The following TOX2 variants were observed in gnomAD, a reference collection of about 807,000 sequenced individuals.
TOX2 encodes granulosa cell HMG box 1.
TOX2 carries 15 observed loss-of-function variants against 47.4 expected under a neutral mutation model. The ratio of observed to expected loss-of-function variants is 0.32; its 90% CI spans 0.21 to 0.49. The LOEUF (loss-of-function observed/expected upper bound fraction) is 0.49, where lower values mean the gene tolerates loss of function less well. Among genes scored for constraint, TOX2 ranks in the 20% least tolerant of loss-of-function variants. TOX2 has a pLI of 0.99. For synonymous variants in TOX2, 290 were observed against 296.6 expected (o/e 0.98, Z 0.23); for missense variants, 622 against 673.1 (o/e 0.92, Z 0.84).
At chr20:43,917,572 A>G (rs920453577) in intron 1 of TOX2, among the ~76,000 whole-genome samples, 1 of 152,126 alleles carries the variant, frequency 6.6e-6, no homozygotes, top group African/African-American at 2.4e-5. Flanking sequence ...CCCGACACCT[A>G]TGGGGCAGTT....
intron 1 of TOX2, among the ~76,000 whole-genome samples, chr20:43,933,046 T>G: frequency 6.6e-6 from 1 of 152,180 alleles, no homozygotes; most frequent in East Asian, 1.9e-4. Flanking sequence ...AGAATTCTAG[T>G]GACCAAGTAA....
intron 3 of TOX2, among the ~76,000 whole-genome samples, chr20:44,015,323 A>G (rs1244043834): frequency 3.9e-5 from 6 of 152,218 alleles, no homozygotes; most frequent in African/African-American, 1.4e-4. Context: ...CTCTCCTGCT[A>G]TAATTATTTA....
chr20:43,960,960 G>A (rs2069748602), intron 1 of TOX2, among the ~76,000 whole-genome samples: 1 of 152,258 alleles, frequency 6.6e-6, no homozygotes, highest in South Asian at 2.1e-4. Flanking sequence ...TAGAAAGGGG[G>A]AGGCCTTTTT....
At chr20:44,062,077 G>A (rs2071727164) in intron 5 of TOX2, among the ~76,000 whole-genome samples, 1 of 151,596 alleles carries the variant, frequency 6.6e-6, no homozygotes, top group African/African-American at 2.4e-5. Flanking sequence ...AGACAAGGAT[G>A]CCCATTTATT....
At position 43,916,320 on chromosome 20, in the gene TOX2, G is replaced by A; in HGVS notation, c.99+1330G>A. 1 of 856,684 alleles carries A rather than the reference G, an allele frequency of 1.2e-6. No individual in the cohort carries two copies. Among genetic ancestry groups the A allele is most frequent in the Non-Finnish European group, 1.4e-6 (1 of 712,430 alleles). The allele number at this position is 856,684 out of a possible 1,614,324, so 53.1% of individuals were successfully genotyped here. A position where few individuals can be genotyped will look rare whatever the true frequency, so the allele number is the denominator to read the frequency against. ...GATGAGGCAGGAGAGAGGCGTCCCG[G>A]CGCGGATCCCGGGGCCTCCCGGGCT... On this transcript the variant is annotated intron_variant, in intron 1 of 8. Transcript: ENST00000341197. This position sits in a 1 kb window ranked among gnomAD's most constrained non-coding sequence, Gnocchi z 5.0.
Position 44,065,640 on chromosome 20 carries a change from C to T in TOX2, c.961-72C>T, listed in dbSNP as rs2071799994. ...GCCGTGTCAGTGGGTTGCAGAGCCTCCTGGCCTCACAGCCCATGTTCTGGC... is the reference window on the plus strand; with the variant it reads ...GCCGTGTCAGTGGGTTGCAGAGCCTTCTGGCCTCACAGCCCATGTTCTGGC... On this transcript the variant is annotated intron_variant, in intron 6 of 8. Transcript: ENST00000341197. The T allele has an allele frequency of 2.0e-6, 3 of 1,511,804 alleles. No homozygotes were observed. The East Asian group carries it at 6.9e-5, about 35-fold the overall frequency. The allele number at this position is 1,511,804 out of a possible 1,614,324, so 93.6% of individuals were successfully genotyped here. A position where few individuals can be genotyped will look rare whatever the true frequency, so the allele number is the denominator to read the frequency against.
Position 43,961,835 on chromosome 20 carries a change from C to T in TOX2, c.100-11532C>T, listed in dbSNP as rs2069763427. On this transcript the variant is annotated intron_variant, in intron 1 of 8. Coordinates refer to ENST00000341197, the MANE Select transcript of TOX2 (RefSeq NM_001098797.2). ...ATTGGCATCCCCCACAGCAGAAGCC[C>T]AGAGAAAGGCCTCAAAGTCGCGAGC... is the stretch of plus-strand genomic sequence containing the variant. Among the ~76,000 whole-genome samples, 4 of 152,070 alleles carry T rather than the reference C, an allele frequency of 2.6e-5. No homozygotes were observed. In the South Asian group the frequency reaches 8.3e-4, roughly 32 times the overall value.
intron 2 of TOX2, among the ~76,000 whole-genome samples, chr20:43,995,201 A>G (rs930411809): frequency 1.3e-5 from 2 of 152,170 alleles, no homozygotes; most frequent in African/African-American, 2.4e-5. Flanking sequence ...AAGTGCTACA[A>G]TACTCCAGAT....
chr20:44,012,929 T>C (rs576882401), intron 3 of TOX2, among the ~76,000 whole-genome samples: 1 of 152,346 alleles, frequency 6.6e-6, no homozygotes, highest in African/African-American at 2.4e-5. Flanking sequence ...CACACAGGGC[T>C]AGGGGCTGTG....
At chr20:44,044,742 G>T (rs1036574015) in intron 3 of TOX2, among the ~76,000 whole-genome samples, 1 of 152,090 alleles carries the variant, frequency 6.6e-6, no homozygotes, top group Non-Finnish European at 1.5e-5. Flanking sequence ...TTAAAAAACA[G>T]AATTACTATA....
chr20:44,038,972 G>A, intron 3 of TOX2: 1 of 1,185,864 alleles, frequency 8.4e-7, no homozygotes, highest in Non-Finnish European at 1.1e-6. Context: ...TCCTGGGGCG[G>A]GTGCAGATGT....
chr20:43,932,145 G>A lies in TOX2; in HGVS notation c.99+17155G>A, dbSNP rs141915228. Among the ~76,000 whole-genome samples the A allele has an allele frequency of 1.2e-3, 187 of 152,254 alleles. 2 individuals are homozygous for A. Among genetic ancestry groups the A allele is most frequent in the African/African-American group, 4.4e-3 (184 of 41,552 alleles). ...AAATTTCTGGGTCAAAAAAGAGTGA[G>A]CATTTTTATGGCTCCTGATTTCTGC... is the stretch of plus-strand genomic sequence containing the variant. On this transcript the variant is annotated intron_variant, in intron 1 of 8. Coordinates refer to ENST00000341197, the MANE Select transcript of TOX2 (RefSeq NM_001098797.2).
chr20:43,985,651 A>G (rs908327179), intron 2 of TOX2, among the ~76,000 whole-genome samples: 1 of 152,202 alleles, frequency 6.6e-6, no homozygotes, highest in African/African-American at 2.4e-5. Context: ...TCCCCATTTT[A>G]TAGATGGAAA....
At chr20:43,928,997 A>AAAAACAAC (rs540054093) in intron 1 of TOX2, among the ~76,000 whole-genome samples, 78 of 149,674 alleles carry the variant, frequency 5.2e-4, no homozygotes, top group African/African-American at 2.0e-3. Context: ...AAAAAAAAAA[A>AAAAACAAC]AACAACAACA....
rs745489872 is a variant in TOX2, at chr20:43,951,707, G to GGTTTTTTTTTTTTTTTTTTTTTT, written c.100-21660_100-21659insGTTTTTTTTTTTTTTTTTTTTTT. Among the ~76,000 whole-genome samples, 70 of 55,090 alleles carry GGTTTTTTTTTTTTTTTTTTTTTT rather than the reference G, an allele frequency of 1.3e-3. 3 individuals are homozygous for GGTTTTTTTTTTTTTTTTTTTTTT. The highest frequency in any genetic ancestry group is 5.8e-3 in the East Asian group (11 of 1,888). 36.1% of individuals were successfully genotyped at this position (55,090 alleles called of 152,430 possible). On this transcript the variant is annotated intron_variant, in intron 1 of 8. Transcript: ENST00000341197. Reference sequence around the variant, plus strand: ...TGACCATTACTATTAAACTTATTATGTTTTTTTTTTTTTTTTTTTTTAGAG... The same window carrying GGTTTTTTTTTTTTTTTTTTTTTT: ...TGACCATTACTATTAAACTTATTATGGTTTTTTTTTTTTTTTTTTTTTTTTTTTTTTTTTTTTTTTTTTTAGAG...
Position 44,068,659 on chromosome 20 carries a change from C to T in TOX2, c.1494C>T (p.Pro498=). 1 of 1,613,338 alleles carries T rather than the reference C, an allele frequency of 6.2e-7. No individual in the cohort carries two copies. Residue 498 remains proline (P), a synonymous_variant, in exon 9 of 9, where the codon CCC becomes CCT. Coordinates refer to ENST00000341197, the MANE Select transcript of TOX2 (RefSeq NM_001098797.2). ...CTCCTCTCTCTCACAGCCTGCTCCCCAGGGACAAATCGCTCTACCTCACCT... is the reference window on the plus strand; with the variant it reads ...CTCCTCTCTCTCACAGCCTGCTCCCTAGGGACAAATCGCTCTACCTCACCT... ...ECGISTCSLL[P]RDKSLYLT is the part of the protein sequence containing the mutation.
At chr20:43,959,256 C>T (rs1335784604) in intron 1 of TOX2, among the ~76,000 whole-genome samples, 1 of 152,238 alleles carries the variant, frequency 6.6e-6, no homozygotes, top group African/African-American at 2.4e-5. Context: ...CAGCTTAGTG[C>T]AGAGCCTGGA....
At chr20:44,042,538 A>G (rs186606334) in intron 3 of TOX2, among the ~76,000 whole-genome samples, 149 of 152,384 alleles carry the variant, frequency 9.8e-4, no homozygotes, top group African/African-American at 2.7e-3. Flanking sequence ...TGTGTTTAAT[A>G]GGAAACTTAG....
chr20:44,011,865 G>A (rs184690508), intron 3 of TOX2, among the ~76,000 whole-genome samples: 26 of 152,374 alleles, frequency 1.7e-4, no homozygotes, highest in East Asian at 7.7e-4. Context: ...CCTTGCAGGC[G>A]TGGGTGGGAG....
Sources: gnomAD v4.1 joint callset for allele counts (sites outside exome capture counted in the v4.1 genomes callset) on GRCh38, gnomAD v4.1.1 for gene constraint, Gnocchi (gnomAD v3.1) non-coding constraint, MANE v1.5 for transcripts, NCBI Gene and HGNC (gene_info 2026-07-23, HGNC 2026-07-21) for gene names.